TSPAN12: variants seen among roughly 807,000 people sequenced by gnomAD.
TSPAN12 encodes the protein tetraspanin-12.
TSPAN12 carries 19 observed loss-of-function variants against 39.2 expected under a neutral mutation model. The observed-to-expected ratio is 0.49, with a 90% confidence interval of 0.34 to 0.71. The LOEUF is 0.71. Among genes scored for constraint, TSPAN12 ranks in the 30% least tolerant of loss-of-function variants. TSPAN12 has a pLI of 0.01. For synonymous variants in TSPAN12, 119 were observed against 124.8 expected (o/e 0.95, Z 0.31); for missense variants, 314 against 359.9 (o/e 0.87, Z 1.03).
At chr7:120,823,604 G>A (rs1172608175) in intron 4 of TSPAN12, among the ~76,000 whole-genome samples, 1 of 152,130 alleles carries the variant, frequency 6.6e-6, no homozygotes, top group Non-Finnish European at 1.5e-5. Flanking sequence ...AGGCACAGCA[G>A]GAAAGGGTGC....
At chr7:120,856,594 T>G in intron 2 of TSPAN12, 104 bp downstream of exon 2, 2 of 1,145,806 alleles carry the variant, frequency 1.7e-6, no homozygotes, top group Non-Finnish European at 2.6e-6. Flanking sequence ...TGTTATCCCA[T>G]GTAATTAATT....
At chr7:120,821,292 T>C (rs780040399) in intron 4 of TSPAN12, among the ~76,000 whole-genome samples, 3 of 152,092 alleles carry the variant, frequency 2.0e-5, no homozygotes, top group Non-Finnish European at 4.4e-5. Context: ...CCCTAAATGA[T>C]GTAATCAATC....
intron 4 of TSPAN12, among the ~76,000 whole-genome samples, chr7:120,831,142 G>T (rs973219531): frequency 2.0e-5 from 3 of 151,910 alleles, no homozygotes; most frequent in Non-Finnish European, 4.4e-5. Flanking sequence ...AAAGACAAAA[G>T]ATAACAAATG....
chr7:120,794,922 T>C (rs1475988927), intron 7 of TSPAN12, among the ~76,000 whole-genome samples: 2 of 152,228 alleles, frequency 1.3e-5, no homozygotes, highest in East Asian at 3.8e-4. Flanking sequence ...TGAGCATATT[T>C]TGAGCCAGTC....
intron 2 of TSPAN12, among the ~76,000 whole-genome samples, chr7:120,849,752 A>T (rs566211984): frequency 2.0e-5 from 3 of 152,042 alleles, no homozygotes; most frequent in Non-Finnish European, 4.4e-5. Flanking sequence ...AAGAATTTAA[A>T]TTTTTCTGGT....
intron 2 of TSPAN12, among the ~76,000 whole-genome samples, chr7:120,849,049 G>T (rs1186936663): frequency 6.6e-6 from 1 of 152,094 alleles, no homozygotes; most frequent in Non-Finnish European, 1.5e-5. Context: ...CACTCACATT[G>T]GCTAAATTAT....
intron 2 of TSPAN12, among the ~76,000 whole-genome samples, chr7:120,844,676 A>G (rs570912470): frequency 6.6e-6 from 1 of 152,332 alleles, no homozygotes; most frequent in South Asian, 2.1e-4. Context: ...TGGGCCCCCA[A>G]GGCTTTGGGC....
chr7:120,806,430 A>G (rs138320580), intron 7 of TSPAN12, 119 bp downstream of exon 7: 252 of 1,130,420 alleles, frequency 2.2e-4, no homozygotes, highest in Middle Eastern at 8.9e-4. Context: ...TTAGAGAAAA[A>G]TTTTAAGGCC....
chr7:120,799,570 T>TAATTATA (rs1317423580), intron 7 of TSPAN12, among the ~76,000 whole-genome samples: 2 of 107,876 alleles, frequency 1.9e-5, no homozygotes, highest in African/African-American at 7.3e-5. Context: ...ATATAATTAT[T>TAATTATA]TATATAATTA....
chr7:120,806,132 T>G (rs933614048), intron 7 of TSPAN12, among the ~76,000 whole-genome samples: 1 of 151,724 alleles, frequency 6.6e-6, no homozygotes, highest in African/African-American at 2.4e-5. Flanking sequence ...TTTGGAGAGG[T>G]TCTTTTTTTT....
At position 120,834,908 on chromosome 7, in the gene TSPAN12, C is replaced by T. The variant is rs548502195; in HGVS notation, c.285+3869G>A. On this transcript the variant is annotated intron_variant, in intron 4 of 7. Coordinates refer to ENST00000222747, the MANE Select transcript of TSPAN12 (RefSeq NM_012338.4). The stretch of plus-strand genomic sequence containing the variant: ...TCGCATTCTGCACTATTTTACCGCC[C>T]ACCCCTCCATGAGCCATTCCCCTTG... 1.1e-4 allele frequency among the ~76,000 whole-genome samples: 17 copies of T among 152,264 alleles called. No individual in the cohort carries two copies. In the East Asian group the frequency reaches 2.7e-3, roughly 24 times the overall value.
intron 5 of TSPAN12, among the ~76,000 whole-genome samples, chr7:120,813,304 T>C (rs1464806558): frequency 6.6e-6 from 1 of 152,216 alleles, no homozygotes; most frequent in East Asian, 1.9e-4. Context: ...CCTTGCTCCA[T>C]CCTGGTGATG....
At position 120,788,371 on chromosome 7, in the gene TSPAN12, C is replaced by T; in HGVS notation, c.*221G>A. ...TACACAGGCTACACAGTGGGTATGACATCTGTCTTCAGCATTTTAAGGGCA... is the reference window on the plus strand; with the variant it reads ...TACACAGGCTACACAGTGGGTATGATATCTGTCTTCAGCATTTTAAGGGCA... On this transcript the variant is annotated 3_prime_UTR_variant, in exon 8 of 8. Transcript: ENST00000222747. The T allele has an allele frequency of 1.7e-6, 1 of 575,096 alleles. No homozygotes were observed. The highest frequency in any genetic ancestry group is 1.9e-5 in the African/African-American group (1 of 53,386). 35.6% of individuals were successfully genotyped at this position (575,096 alleles called of 1,614,324 possible).
intron 4 of TSPAN12, among the ~76,000 whole-genome samples, chr7:120,826,871 C>G (rs916478311): frequency 6.6e-6 from 1 of 152,038 alleles, no homozygotes; most frequent in African/African-American, 2.4e-5. Flanking sequence ...TACAGACATG[C>G]ACCACCATGC....
rs570061713 is a variant in TSPAN12, at chr7:120,816,169, C to T, written c.286-366G>A. ...CGAGGTGAAGTCAACAAGTTCAATG[C>T]TCTGCACCATGAGCAGATTTTAACT... On this transcript the variant is annotated intron_variant, in intron 4 of 7. Transcript: ENST00000222747. Among the ~76,000 whole-genome samples the T allele has an allele frequency of 7.6e-4, 116 of 152,258 alleles. 4 individuals carry two copies. The South Asian group carries it at 0.023, about 30-fold the overall frequency.
At chr7:120,798,582 G>A (rs374046952) in intron 7 of TSPAN12, among the ~76,000 whole-genome samples, 168 of 152,226 alleles carry the variant, frequency 1.1e-3, no homozygotes, top group African/African-American at 3.5e-3. Context: ...GTCCTAAACC[G>A]TCTTTTTATA....
At chr7:120,805,784 T>C (rs1584928952) in intron 7 of TSPAN12, among the ~76,000 whole-genome samples, 2 of 152,264 alleles carry the variant, frequency 1.3e-5, no homozygotes, top group East Asian at 3.9e-4. Flanking sequence ...GGAACAGATA[T>C]TTTAATTTTA....
intron 4 of TSPAN12, among the ~76,000 whole-genome samples, chr7:120,826,184 T>C (rs1318189113): frequency 6.6e-6 from 1 of 152,224 alleles, no homozygotes; most frequent in African/African-American, 2.4e-5. Context: ...GCTGAGCTAA[T>C]TTCTTATTAA....
chr7:120,850,692 A>AT (rs374982979), intron 2 of TSPAN12, among the ~76,000 whole-genome samples: 170 of 143,692 alleles, frequency 1.2e-3, no homozygotes, highest in Middle Eastern at 7.4e-3. Flanking sequence ...AGACTAAAAG[A>AT]TTTTTTTTTT....
Sources: allele counts gnomAD v4.1 joint callset (sites outside exome capture counted in the v4.1 genomes callset), GRCh38; gene constraint gnomAD v4.1.1; transcripts MANE v1.5; gene names NCBI Gene and HGNC (gene_info 2026-07-23, HGNC 2026-07-21).